DDB1: variants seen among roughly 807,000 people sequenced by gnomAD.
DDB1 encodes DNA damage-binding protein 1.
Under a neutral mutation model 133.1 loss-of-function variants are expected in DDB1, and 18 were observed. That is an observed-to-expected ratio of 0.14 (90% CI 0.09 to 0.20). DDB1 has a LOEUF of 0.20. Among genes scored for constraint, DDB1 ranks in the 10% least tolerant of loss-of-function variants. The pLI, the probability that DDB1 is intolerant of heterozygous loss-of-function variation, is 1.00. For missense variants in DDB1, 828 were observed against 1,459.2 expected, an observed-to-expected ratio of 0.57 and a Z score of 7.05; for synonymous variants, 580 against 550.5, an observed-to-expected ratio of 1.05 and a Z score of -0.75.
Position 61,323,056 on chromosome 11 carries a change from A to G in DDB1, c.960T>C (p.Gly320=). 2 of 1,613,984 alleles carry G rather than the reference A, an allele frequency of 1.2e-6. No homozygotes were observed. Among genetic ancestry groups the G allele is most frequent in the East Asian group, 2.2e-5 (1 of 44,880 alleles). ...IAECLTYLDN[G]VVFVGSRLGD... ...CCAGGCGAGACCCGACAAACACAAC[A>G]CCATTATCAAGGTATGTCAAGCACT... Residue 320 remains glycine, a synonymous_variant, in exon 8 of 27, where the codon GGT becomes GGC. Coordinates refer to ENST00000301764, the MANE Select transcript of DDB1 (RefSeq NM_001923.5).
chr11:61,310,005 C>G (rs1855937096), intron 19 of DDB1, 45 bp from the exon 20 acceptor site: 3 of 1,612,656 alleles, frequency 1.9e-6, no homozygotes, highest in Non-Finnish European at 1.7e-6. Context: ...TTACCCATAT[C>G]TGCACGCACA....
At position 61,311,793 on chromosome 11, in the gene DDB1, A is replaced by G. The variant is rs755492633; in HGVS notation, c.2268T>C (p.Ala756=). The stretch of plus-strand genomic sequence containing the variant: ...TGTCCACTGCCCTTACCTGGGTGCT[A>G]GCGCTGGGCCTCAAGGCTGTCGTGC... ...SGGTTALRPS[A]STQALSSSVS... The change falls in exon 18 of 27, where the codon GCT becomes GCC. Residue 756 remains alanine (A), a synonymous_variant. Coordinates refer to ENST00000301764, the MANE Select transcript of DDB1 (RefSeq NM_001923.5). 3.1e-6 allele frequency: 5 copies of G among 1,612,456 alleles called. No individual in the cohort carries two copies. The South Asian group carries it at 4.4e-5, about 14-fold the overall frequency.
intron 18 of DDB1, chr11:61,311,258 AAACAT>A (rs56167776): frequency 0.35 from 48,615 of 140,164 alleles, 8,629 homozygotes; most frequent in Middle Eastern, 0.41. Context: ...TCTCAATAAC[AAACAT>A]AACATAACAT....
chr11:61,316,967 A>C (rs1856089805), intron 10 of DDB1, among the ~76,000 whole-genome samples: 7 of 42,356 alleles, frequency 1.7e-4, no homozygotes, highest in Admixed American at 1.2e-3. Context: ...ATATATATAT[A>C]TATATATATA....
rs1222249524 is a variant in DDB1, at chr11:61,327,042, G to A, written c.550-149C>T. 26 of 634,738 alleles carry A rather than the reference G, an allele frequency of 4.1e-5. 1 individual carries two copies. In the East Asian group the frequency reaches 6.1e-4, roughly 15 times the overall value. The allele number at this position is 634,738 out of a possible 1,614,324, so 39.3% of individuals were successfully genotyped here. A position where few individuals can be genotyped will look rare whatever the true frequency, so the allele number is the denominator to read the frequency against. ...CCCTTATCCATCACTATACTGACAA[G>A]CACTAGCTGAGCCTGGGATGAATTC... On this transcript the variant is annotated intron_variant, in intron 4 of 26. Coordinates refer to ENST00000301764, the MANE Select transcript of DDB1 (RefSeq NM_001923.5).
chr11:61,317,585 C>T (rs1856112820), intron 10 of DDB1, among the ~76,000 whole-genome samples: 1 of 152,166 alleles, frequency 6.6e-6, no homozygotes, highest in Non-Finnish European at 1.5e-5. Flanking sequence ...CGGCTCACTA[C>T]AACCTCCGCC....
intron 8 of DDB1, chr11:61,322,699 A>G (rs1312068366): frequency 1.7e-5 from 9 of 539,972 alleles, no homozygotes; most frequent in Non-Finnish European, 2.6e-5. Flanking sequence ...ATTTTTCTGC[A>G]GAGAAGGTCC....
At chr11:61,310,132 C>A (rs55741058) in intron 19 of DDB1, among the ~76,000 whole-genome samples, 163 bp downstream of exon 19, 2,102 of 152,224 alleles carry the variant, frequency 0.014, 64 homozygotes, top group African/African-American at 0.048. Context: ...GAGAGGATGC[C>A]CAGCCCTCCA....
chr11:61,330,623 G>A (rs534435743), intron 2 of DDB1, among the ~76,000 whole-genome samples: 145 of 152,014 alleles, frequency 9.5e-4, no homozygotes, highest in African/African-American at 3.4e-3. Context: ...AAACATTTGC[G>A]CTAAAATAAT....
intron 10 of DDB1, 48 bp from the exon 11 acceptor site, chr11:61,316,615 A>G: frequency 6.3e-7 from 1 of 1,592,770 alleles, no homozygotes; most frequent in South Asian, 1.1e-5. Context: ...ACCAACACTT[A>G]GCATGCATAT....
intron 21 of DDB1, among the ~76,000 whole-genome samples, chr11:61,306,773 A>G (rs958336530): frequency 1.3e-5 from 2 of 152,164 alleles, no homozygotes; most frequent in African/African-American, 4.8e-5. Context: ...CTCACCTAAC[A>G]AAACTCGACT....
chr11:61,327,007 A>G (rs879450940), intron 4 of DDB1, 114 bp from the exon 5 acceptor site: 1 of 745,158 alleles, frequency 1.3e-6, no homozygotes, highest in Non-Finnish European at 2.4e-6. Flanking sequence ...CTGTCATGTC[A>G]GCCCTCCCAC....
At chr11:61,302,810 A>G in intron 23 of DDB1, 59 bp from the exon 24 acceptor site, 1 of 1,604,926 alleles carries the variant, frequency 6.2e-7, no homozygotes, top group Non-Finnish European at 8.5e-7. Flanking sequence ...AGGCCCTGAG[A>G]CAGGACCACG....
rs1005963529 is a variant in DDB1 at position 61,327,714 on chromosome 11, G to A, written c.550-821C>T. 4.5e-4 allele frequency among the ~76,000 whole-genome samples: 69 copies of A among 152,116 alleles called. 1 individual carries two copies. Among genetic ancestry groups the A allele is most frequent in the Non-Finnish European group, 8.8e-4 (60 of 68,026 alleles). On this transcript the variant is annotated intron_variant, in intron 4 of 26. Coordinates refer to ENST00000301764, the MANE Select transcript of DDB1 (RefSeq NM_001923.5). ...CTGAATTATGACTCATGTCAGTCCT[G>A]GGACTGCCAAGGTCACCTTTAAGAT...
At chr11:61,304,364 T>C (rs1855849885) in intron 21 of DDB1, among the ~76,000 whole-genome samples, 1 of 151,840 alleles carries the variant, frequency 6.6e-6, no homozygotes, top group Non-Finnish European at 1.5e-5. Context: ...CAGGAGGTTG[T>C]GGCACAAGAA....
rs932730504 is a variant in DDB1 at position 61,313,437 on chromosome 11, G to A, written c.2069+62C>T. Reference sequence around the variant, plus strand: ...GAAAAAGGCTTTGAGGTAAGGGTTTGAGGAAAACATCATGACCCCCTCAAT... The same window carrying A: ...GAAAAAGGCTTTGAGGTAAGGGTTTAAGGAAAACATCATGACCCCCTCAAT... On this transcript the variant is annotated intron_variant, in intron 16 of 26. Coordinates refer to ENST00000301764, the MANE Select transcript of DDB1 (RefSeq NM_001923.5). The A allele has an allele frequency of 3.4e-6, 5 of 1,474,794 alleles. No homozygotes were observed. In the African/African-American group the frequency reaches 5.6e-5, roughly 16 times the overall value. The allele number at this position is 1,474,794 out of a possible 1,614,324, so 91.4% of individuals were successfully genotyped here. A position where few individuals can be genotyped will look rare whatever the true frequency, so the allele number is the denominator to read the frequency against.
intron 18 of DDB1, chr11:61,310,728 G>A (rs187145059): frequency 5.2e-5 from 11 of 210,954 alleles, no homozygotes; most frequent in Non-Finnish European, 1.0e-4. Flanking sequence ...GGGAAGAGGA[G>A]GGGGGCACTT....
At chr11:61,311,444 TAA>T in intron 18 of DDB1, 1 of 232,964 alleles carries the variant, frequency 4.3e-6, no homozygotes, top group East Asian at 9.6e-5. Context: ...GTTTCTGTCT[TAA>T]AAAAAAAACA....
At chr11:61,325,211 G>A (rs1432811739) in intron 6 of DDB1, among the ~76,000 whole-genome samples, 2 of 152,164 alleles carry the variant, frequency 1.3e-5, no homozygotes, top group South Asian at 2.1e-4. Context: ...GGTAGTTCAT[G>A]CCTGTAATCC....
Sources: allele counts gnomAD v4.1 joint callset (sites outside exome capture counted in the v4.1 genomes callset), GRCh38; gene constraint gnomAD v4.1.1; transcripts MANE v1.5; gene names NCBI Gene and HGNC (gene_info 2026-07-23, HGNC 2026-07-21).